Variants in AFAP1L2 observed in about 807,000 individuals in gnomAD.
The protein encoded by AFAP1L2 is actin filament associated protein 1 like 2.
Under a neutral mutation model 99.3 loss-of-function variants are expected in AFAP1L2, and 46 were observed. That is an observed-to-expected ratio of 0.46 (90% CI 0.37 to 0.59). AFAP1L2 has a LOEUF of 0.59. Ranked by LOEUF, AFAP1L2 falls within the 20% of genes least tolerant of loss-of-function variation. The pLI is 0.00. For synonymous variants in AFAP1L2, 397 were observed against 419.1 expected, an observed-to-expected ratio of 0.95 and a Z score of 0.64; for missense variants, 959 against 1,034.9, an observed-to-expected ratio of 0.93 and a Z score of 1.01.
intron 1 of AFAP1L2, among the ~76,000 whole-genome samples, chr10:114,353,031 T>C (rs1337608821): frequency 6.6e-6 from 1 of 152,130 alleles, no homozygotes; most frequent in Non-Finnish European, 1.5e-5. Context: ...CACACCCAAC[T>C]CCATGGGCAG....
At chr10:114,290,211 C>T (rs1231708189), downstream of AFAP1L2, 2 of 1,549,428 alleles carry the variant, frequency 1.3e-6, no homozygotes, top group Admixed American at 3.9e-5. Context: ...GCCTGGCCGG[C>T]CTGGTGGGTA....
rs545622335 is a variant in AFAP1L2, at chr10:114,356,319, C to T, written c.17-15588G>A. Among the ~76,000 whole-genome samples, 15 of 152,206 alleles carry T rather than the reference C, an allele frequency of 9.9e-5. No homozygotes were observed. The South Asian group carries it at 2.1e-3, about 21-fold the overall frequency. On this transcript the variant is annotated intron_variant, in intron 1 of 18. Transcript: ENST00000304129. The stretch of plus-strand genomic sequence containing the variant: ...GAGTCGCCTCACATCATTTCAGGGC[C>T]GTTTTTATCTCCAAATTAGTTTGTG...
At chr10:114,365,122 C>T (rs141833014) in intron 1 of AFAP1L2, among the ~76,000 whole-genome samples, 233 of 152,342 alleles carry the variant, frequency 1.5e-3, no homozygotes, top group African/African-American at 5.4e-3. Context: ...GCTCTGTGTA[C>T]CCTAACGTTC....
At chr10:114,368,214 GATCTGACTCATATACAGA>G (rs1445849910) in intron 1 of AFAP1L2, among the ~76,000 whole-genome samples, 1 of 152,190 alleles carries the variant, frequency 6.6e-6, no homozygotes, top group African/African-American at 2.4e-5. Context: ...AATACCGCAT[GATCTGACTCATATACAGA>G]ATCTGAAAAA....
chr10:114,323,404 C>T, intron 4 of AFAP1L2, 143 bp from the exon 5 acceptor site: 2 of 674,516 alleles, frequency 3.0e-6, no homozygotes, highest in South Asian at 3.6e-5. Context: ...GGAGAACATG[C>T]AGTATCATGA....
intron 8 of AFAP1L2, among the ~76,000 whole-genome samples, chr10:114,309,427 CTCT>C (rs1435515085): frequency 6.6e-6 from 1 of 152,214 alleles, no homozygotes; most frequent in Admixed American, 6.5e-5. Flanking sequence ...CTCTGTGTGC[CTCT>C]TGTTTTCCTC....
intron 1 of AFAP1L2, among the ~76,000 whole-genome samples, chr10:114,380,676 T>C (rs950023775): frequency 6.6e-6 from 1 of 152,150 alleles, no homozygotes; most frequent in African/African-American, 2.4e-5. Context: ...GAGAGATCAA[T>C]GGAAAAGATT....
At chr10:114,390,039 C>T (rs965428103) in intron 1 of AFAP1L2, among the ~76,000 whole-genome samples, 7 of 152,162 alleles carry the variant, frequency 4.6e-5, no homozygotes, top group African/African-American at 1.7e-4. Flanking sequence ...ATTCTCCTCC[C>T]GCAACAACGA....
At position 114,331,830 on chromosome 10, in the gene AFAP1L2, G is replaced by C; in HGVS notation, c.288C>G (p.Ser96Arg). Residue 96 changes from serine to arginine, a missense_variant, in exon 4 of 19, where the codon AGC becomes AGG. This residue lies in a region of AFAP1L2 where 383 missense variants were observed against 472.8 expected (regional missense o/e 0.81). Coordinates refer to ENST00000304129, the MANE Select transcript of AFAP1L2 (RefSeq NM_001001936.3). ...TCTTGGGTGGCGGGAGGTCTGGAAG[G>C]CTCTTCTGAGGGGCCGAGGAGTGCT... ...PSQHSSAPQK[S>R]LPDLPPPKMI... 7.2e-7 allele frequency: 1 copy of C among 1,395,042 alleles called. No homozygotes were observed. Among genetic ancestry groups the C allele is most frequent in the East Asian group, 3.0e-5 (1 of 33,294 alleles). 86.4% of individuals were successfully genotyped at this position (1,395,042 alleles called of 1,614,324 possible).
At chr10:114,360,485 C>CTAGATAGATAGATTAGATAGATAGATAGA (rs2052105996) in intron 1 of AFAP1L2, among the ~76,000 whole-genome samples, 1 of 124,364 alleles carries the variant, frequency 8.0e-6, no homozygotes, top group East Asian at 2.7e-4. Context: ...ATCTCAATAT[C>CTAGATAGATAGATTAGATAGATAGATAGA]TAGATAGATA....
intron 1 of AFAP1L2, among the ~76,000 whole-genome samples, chr10:114,372,674 C>T (rs1027100250): frequency 1.3e-5 from 2 of 151,546 alleles, no homozygotes; most frequent in African/African-American, 2.4e-5. Context: ...TATTTATATG[C>T]ACATATGTGT....
At chr10:114,324,723 G>T (rs964537727) in intron 4 of AFAP1L2, among the ~76,000 whole-genome samples, 1 of 152,246 alleles carries the variant, frequency 6.6e-6, no homozygotes, top group Admixed American at 6.5e-5. Context: ...TGAAAGCACA[G>T]GCAGGCTGTG....
chr10:114,324,537 CACCATGCCCGTGG>C (rs2045944157), intron 4 of AFAP1L2, among the ~76,000 whole-genome samples: 1 of 152,282 alleles, frequency 6.6e-6, no homozygotes, highest in Non-Finnish European at 1.5e-5. Context: ...AGGCGCAAGC[CACCATGCCCGTGG>C]TGTCTTTCTG....
the AFAP1L2 span, chr10:114,286,278 G>A: frequency 8.7e-6 from 14 of 1,610,430 alleles, no homozygotes; most frequent in South Asian, 8.8e-5. Flanking sequence ...GACCGGCCAC[G>A]TAGAGTGGTG....
the AFAP1L2 span, among the ~76,000 whole-genome samples, chr10:114,283,895 C>G: frequency 1.3e-5 from 2 of 152,204 alleles, no homozygotes; most frequent in Non-Finnish European, 2.9e-5. Context: ...ATTTTAATTA[C>G]AATGATGTGG....
chr10:114,382,472 G>A lies in AFAP1L2; in HGVS notation c.16+21968C>T, dbSNP rs370935320. Among the ~76,000 whole-genome samples the A allele has an allele frequency of 2.2e-4, 34 of 152,148 alleles. No homozygotes were observed. In the South Asian group the frequency reaches 6.4e-3, roughly 29 times the overall value. ...GACCGGGAAGGGTGGGTAGAAGAAC[G>A]GGAAGGACAAAGACAGGCTGGCTAA... is the stretch of plus-strand genomic sequence containing the variant. On this transcript the variant is annotated intron_variant, in intron 1 of 18. Coordinates refer to ENST00000304129, the MANE Select transcript of AFAP1L2 (RefSeq NM_001001936.3).
rs530011848 is a variant in AFAP1L2 at position 114,318,581 on chromosome 10, A to C, written c.407-2816T>G. On this transcript the variant is annotated intron_variant, in intron 5 of 18. Transcript: ENST00000304129. Reference sequence around the variant, plus strand: ...TGGTGAAACCCTGTCTTTTCTAAAAATACAAAAAAAAATTAGCCGGGCATG... The same window carrying C: ...TGGTGAAACCCTGTCTTTTCTAAAACTACAAAAAAAAATTAGCCGGGCATG... 9.0e-4 allele frequency among the ~76,000 whole-genome samples: 137 copies of C among 152,000 alleles called. 3 individuals carry two copies. The highest frequency in any genetic ancestry group is 3.1e-3 in the African/African-American group (128 of 41,476).
intron 1 of AFAP1L2, among the ~76,000 whole-genome samples, chr10:114,358,567 A>AAATAAC (rs962741436): frequency 6.6e-6 from 1 of 152,130 alleles, no homozygotes; most frequent in Admixed American, 6.6e-5. Flanking sequence ...TTTCAATGAC[A>AAATAAC]AATAACAATA....
chr10:114,379,659 G>A (rs2055332942), intron 1 of AFAP1L2, among the ~76,000 whole-genome samples: 1 of 152,168 alleles, frequency 6.6e-6, no homozygotes, highest in African/African-American at 2.4e-5. Flanking sequence ...GCTAGTTCCA[G>A]GCAAAATCCT....
Sources: allele counts gnomAD v4.1 joint callset (sites outside exome capture counted in the v4.1 genomes callset), GRCh38; gene constraint gnomAD v4.1.1; regional missense constraint gnomAD v4.1.1; transcripts MANE v1.5; gene names NCBI Gene and HGNC (gene_info 2026-07-23, HGNC 2026-07-21).